TTLL5: variants seen among roughly 807,000 people sequenced by gnomAD.
The protein encoded by TTLL5 is tubulin tyrosine ligase like 5, also known as tubulin polyglutamylase TTLL5.
TTLL5 carries 132 observed loss-of-function variants against 168.4 expected under a neutral mutation model. The observed-to-expected ratio is 0.78, with a 90% CI of 0.68 to 0.91. TTLL5 has a LOEUF of 0.91. Among genes scored for constraint, TTLL5 ranks in the 40% least tolerant of loss-of-function variants. The pLI, the probability that TTLL5 is intolerant of heterozygous loss-of-function variation, is 0.00. For synonymous variants in TTLL5, 546 were observed against 558.6 expected (o/e 0.98, Z 0.32); for missense variants, 1,545 against 1,581.5 (o/e 0.98, Z 0.39).
At chr14:75,814,966 A>G (rs1894303868) in intron 27 of TTLL5, among the ~76,000 whole-genome samples, 1 of 152,206 alleles carries the variant, frequency 6.6e-6, no homozygotes, top group Non-Finnish European at 1.5e-5. Flanking sequence ...ATTATCACAG[A>G]TCATTCTAGA....
intron 30 of TTLL5, among the ~76,000 whole-genome samples, chr14:75,898,698 T>C (rs2032785822): frequency 6.6e-6 from 1 of 152,180 alleles, no homozygotes; most frequent in African/African-American, 2.4e-5. Context: ...AATACAAGCC[T>C]ACTTTTCTAA....
In TTLL5 at chr14:75,683,635, A is replaced by C; in HGVS notation, c.350A>C (p.Gln117Pro). 1 of 1,613,970 alleles carries C rather than the reference A, an allele frequency of 6.2e-7. No individual in the cohort carries two copies. Among genetic ancestry groups the C allele is most frequent in the South Asian group, 1.1e-5 (1 of 91,082 alleles). Reference sequence around the variant, plus strand: ...TTACTGCGCACCCTCTCTGAAGCACAAAAAGTTAATCACTTTCCCAGGTAA... The same window carrying C: ...TTACTGCGCACCCTCTCTGAAGCACCAAAAGTTAATCACTTTCCCAGGTAA... ...PFLLRTLSEA[Q>P]KVNHFPRSYE... is the part of the protein sequence containing the mutation. Residue 117 changes from glutamine to proline, a missense_variant, in exon 5 of 32, where the codon CAA (glutamine) becomes CCA (proline). Gln to Pro is a moderately conservative substitution (Grantham distance 76, BLOSUM62 -1). Coordinates refer to ENST00000298832, the MANE Select transcript of TTLL5 (RefSeq NM_015072.5).
intron 31 of TTLL5, among the ~76,000 whole-genome samples, chr14:75,925,384 ACCGGGCAGAGGCG>A (rs1490754875): frequency 1.3e-4 from 7 of 55,858 alleles, no homozygotes; most frequent in South Asian, 6.5e-4. Context: ...CGGGGTCGCG[ACCGGGCAGAGGCG>A]CTCCTCACAT....
intron 27 of TTLL5, among the ~76,000 whole-genome samples, chr14:75,818,186 A>G (rs1894583989): frequency 6.6e-6 from 1 of 152,064 alleles, no homozygotes; most frequent in African/African-American, 2.4e-5. Flanking sequence ...TTTTAAATAC[A>G]TCTGTATTTG....
chr14:75,906,322 T>C (rs1360628168), intron 31 of TTLL5, among the ~76,000 whole-genome samples: 1 of 152,106 alleles, frequency 6.6e-6, no homozygotes, highest in East Asian at 1.9e-4. Flanking sequence ...AAACCCCTGA[T>C]TGCTCCCCAG....
chr14:75,678,813 CTG>C (rs1044076071), intron 3 of TTLL5, among the ~76,000 whole-genome samples: 26 of 152,160 alleles, frequency 1.7e-4, no homozygotes, highest in African/African-American at 6.3e-4. Flanking sequence ...TTGGTTAAGA[CTG>C]TGTTCACCAG....
chr14:75,828,924 G>A (rs1013990885), intron 28 of TTLL5, among the ~76,000 whole-genome samples: 7 of 152,180 alleles, frequency 4.6e-5, no homozygotes, highest in African/African-American at 1.7e-4. Flanking sequence ...TCCTCAAAAA[G>A]TTAACATGTA....
intron 30 of TTLL5, among the ~76,000 whole-genome samples, chr14:75,889,343 T>C (rs1404221683): frequency 6.6e-6 from 1 of 152,134 alleles, no homozygotes; most frequent in African/African-American, 2.4e-5. Flanking sequence ...GTCAGTAGTA[T>C]AGGCAAAAAA....
At chr14:75,728,500 A>G (rs1034026286) in intron 12 of TTLL5, among the ~76,000 whole-genome samples, 1 of 152,160 alleles carries the variant, frequency 6.6e-6, no homozygotes, top group African/African-American at 2.4e-5. Flanking sequence ...TGGGGTTACC[A>G]TTCTCCAAGA....
intron 28 of TTLL5, among the ~76,000 whole-genome samples, chr14:75,862,364 A>G (rs770536563): frequency 2.0e-5 from 3 of 152,256 alleles, no homozygotes; most frequent in Non-Finnish European, 4.4e-5. Context: ...TTGCTGGATC[A>G]TTTGGTTATT....
intron 29 of TTLL5, among the ~76,000 whole-genome samples, chr14:75,865,238 C>T (rs1198021279): frequency 2.0e-5 from 3 of 151,490 alleles, no homozygotes; most frequent in East Asian, 1.9e-4. Context: ...TTTCACAATT[C>T]CAGATACAAA....
Position 75,779,688 on chromosome 14 carries a change from G to C in TTLL5, c.2501G>C (p.Ser834Thr). 6.2e-7 allele frequency: 1 copy of C among 1,612,458 alleles called. No individual in the cohort carries two copies. Residue 834 changes from serine (S) to threonine (T), a missense_variant, in exon 24 of 32, where the codon AGT becomes ACT. Coordinates refer to ENST00000298832, the MANE Select transcript of TTLL5 (RefSeq NM_015072.5). The part of the protein sequence containing the change: ...ISKNNNNYSD[S>T]GAKGDHPETI... ...AAGAACAACAACAATTATTCTGATA[G>C]TGGGGCAAAAGGTGGTAAGTATACT...
At chr14:75,798,967 A>G (rs1226502332) in intron 27 of TTLL5, among the ~76,000 whole-genome samples, 10 of 152,126 alleles carry the variant, frequency 6.6e-5, no homozygotes, top group African/African-American at 1.9e-4. Context: ...TTCTGTAAAT[A>G]TCCGTTAACT....
At chr14:75,937,195 C>A (rs1198808763) in intron 31 of TTLL5, among the ~76,000 whole-genome samples, 1 of 151,734 alleles carries the variant, frequency 6.6e-6, no homozygotes, top group Non-Finnish European at 1.5e-5. Flanking sequence ...CAGCTCACTG[C>A]AACTGCCAAC....
intron 28 of TTLL5, among the ~76,000 whole-genome samples, chr14:75,851,687 G>A (rs1240790919): frequency 1.3e-5 from 2 of 152,192 alleles, no homozygotes; most frequent in African/African-American, 2.4e-5. Context: ...TCTCTGGCGG[G>A]TGAGACTGGC....
chr14:75,690,989 C>G (rs1484868088), intron 6 of TTLL5, among the ~76,000 whole-genome samples: 1 of 152,086 alleles, frequency 6.6e-6, no homozygotes, highest in Non-Finnish European at 1.5e-5. Flanking sequence ...TTTTCGCTTG[C>G]CATTTAAGAA....
At chr14:75,944,737 C>T (rs1255117552) in intron 31 of TTLL5, among the ~76,000 whole-genome samples, 1 of 152,094 alleles carries the variant, frequency 6.6e-6, no homozygotes, top group Non-Finnish European at 1.5e-5. Context: ...AAATAATAAT[C>T]AGTTGCAGCC....
intron 30 of TTLL5, among the ~76,000 whole-genome samples, chr14:75,888,654 G>A (rs1232538274): frequency 1.3e-5 from 2 of 152,150 alleles, no homozygotes; most frequent in African/African-American, 2.4e-5. Context: ...CAGTGGCTCA[G>A]GCTGGGCATG....
chr14:75,720,973 A>T (rs1360843283), intron 12 of TTLL5, among the ~76,000 whole-genome samples: 1 of 152,204 alleles, frequency 6.6e-6, no homozygotes, highest in East Asian at 1.9e-4. Flanking sequence ...AGTCAGAAAA[A>T]GTCTGCAACG....
Sources: allele counts gnomAD v4.1 joint callset (sites outside exome capture counted in the v4.1 genomes callset), GRCh38; gene constraint gnomAD v4.1.1; transcripts MANE v1.5; gene names NCBI Gene and HGNC (gene_info 2026-07-23, HGNC 2026-07-21).